Variants in OSBPL8 observed in about 807,000 individuals in gnomAD.
OSBPL8 encodes oxysterol binding protein like 8, also known as oxysterol-binding protein-related protein 8.
A neutral mutation model predicts 125.5 loss-of-function variants in OSBPL8; 59 were observed. The ratio of observed to expected loss-of-function variants is 0.47; its 90% CI spans 0.38 to 0.58. OSBPL8 has a LOEUF of 0.58. Ranked by LOEUF, OSBPL8 falls within the 20% of genes least tolerant of loss-of-function variation. The probability of loss-of-function intolerance (pLI) is 0.00; values close to 1 mark genes in which losing one functional copy is unlikely to be tolerated. For synonymous variants in OSBPL8, 330 were observed against 338.9 expected (o/e 0.97, Z 0.29); for missense variants, 758 against 1,047.8 (o/e 0.72, Z 3.82).
At chr12:76,430,586 AAATGATTTTCT>A (rs1473435511) in intron 4 of OSBPL8, among the ~76,000 whole-genome samples, 1 of 152,246 alleles carries the variant, frequency 6.6e-6, no homozygotes, top group Non-Finnish European at 1.5e-5. Flanking sequence ...AAATAATTCA[AAATGATTTTCT>A]TAAAGAAGCT....
At chr12:76,442,942 T>C (rs890692110) in intron 4 of OSBPL8, among the ~76,000 whole-genome samples, 2 of 152,194 alleles carry the variant, frequency 1.3e-5, no homozygotes, top group East Asian at 3.8e-4. Context: ...CCTTTGAAGT[T>C]TTCTATGAAG....
intron 4 of OSBPL8, among the ~76,000 whole-genome samples, chr12:76,412,928 T>G (rs1241600526): frequency 6.6e-6 from 1 of 152,204 alleles, no homozygotes; most frequent in African/African-American, 2.4e-5. Context: ...TGTTCCTTTC[T>G]ATGACACAAA....
intron 1 of OSBPL8, among the ~76,000 whole-genome samples, chr12:76,546,739 T>C (rs937451245): frequency 6.6e-6 from 1 of 152,192 alleles, no homozygotes; most frequent in Non-Finnish European, 1.5e-5. Context: ...GCATGAGGTA[T>C]ATAACCACTT....
At chr12:76,375,578 T>C (rs1435089826) in intron 16 of OSBPL8, among the ~76,000 whole-genome samples, 1 of 152,114 alleles carries the variant, frequency 6.6e-6, no homozygotes, top group East Asian at 1.9e-4. Context: ...GCAGATTCCC[T>C]ATCTGTAAAT....
At chr12:76,485,098 T>A (rs930887166) in intron 2 of OSBPL8, among the ~76,000 whole-genome samples, 1 of 151,858 alleles carries the variant, frequency 6.6e-6, no homozygotes, top group Admixed American at 6.6e-5. Context: ...TTTTTTTGTA[T>A]TTTTAGTAGA....
At chr12:76,431,248 A>C (rs144213083) in intron 4 of OSBPL8, among the ~76,000 whole-genome samples, 8 of 151,972 alleles carry the variant, frequency 5.3e-5, no homozygotes, top group African/African-American at 1.7e-4. Context: ...AATGCACAAT[A>C]GATTAAAAAG....
intron 15 of OSBPL8, among the ~76,000 whole-genome samples, chr12:76,382,318 T>A (rs981194151): frequency 5.9e-5 from 9 of 152,172 alleles, no homozygotes; most frequent in African/African-American, 2.2e-4. Context: ...CTTACTGATT[T>A]TTTACCTATA....
At chr12:76,493,389 T>C (rs2137064412) in intron 1 of OSBPL8, among the ~76,000 whole-genome samples, 2 of 152,336 alleles carry the variant, frequency 1.3e-5, no homozygotes, top group South Asian at 4.1e-4. Flanking sequence ...GAATTCTCTT[T>C]CATTTTTTTG....
chr12:76,514,205 C>T lies in OSBPL8; in HGVS notation c.-67-26587G>A, dbSNP rs536181416. On this transcript the variant is annotated intron_variant, in intron 1 of 23. Coordinates refer to ENST00000261183, the MANE Select transcript of OSBPL8 (RefSeq NM_020841.5). The stretch of plus-strand genomic sequence containing the variant: ...TTTCACCCAGGCCGGGCTGCAGTGG[C>T]GCGATCTCAGCTCACTGCAACCTCC... Among the ~76,000 whole-genome samples the T allele has an allele frequency of 1.2e-4, 18 of 152,154 alleles. No individual in the cohort carries two copies. In the East Asian group the frequency reaches 1.7e-3, roughly 15 times the overall value.
chr12:76,487,542 C>G lies in OSBPL8; in HGVS notation c.10G>C (p.Gly4Arg). 1 of 1,604,684 alleles carries G rather than the reference C, an allele frequency of 6.2e-7. No homozygotes were observed. MEGGLADGEPDRTS... is the reference protein window; with the variant it reads MEGRLADGEPDRTS... ...CGATCAGGTTCTCCATCTGCCAAAC[C>G]TCCCTCCATAATGAAAGAAGATAGG... The change falls in exon 2 of 24, where the codon GGT becomes CGT. Residue 4 changes from glycine (G) to arginine (R), a missense_variant. Gly to Arg is a moderately radical substitution (Grantham distance 125, BLOSUM62 -2). Coordinates refer to ENST00000261183, the MANE Select transcript of OSBPL8 (RefSeq NM_020841.5).
chr12:76,481,208 T>C (rs1877437535), intron 2 of OSBPL8, among the ~76,000 whole-genome samples: 1 of 152,218 alleles, frequency 6.6e-6, no homozygotes, highest in South Asian at 2.1e-4. Flanking sequence ...AGAGAATAAA[T>C]TTGTGTTGTT....
chr12:76,525,986 G>T (rs1401325153), intron 1 of OSBPL8, among the ~76,000 whole-genome samples: 1 of 152,214 alleles, frequency 6.6e-6, no homozygotes, highest in Non-Finnish European at 1.5e-5. Flanking sequence ...CTACTGGGGT[G>T]CTGGAAATAG....
intron 1 of OSBPL8, among the ~76,000 whole-genome samples, chr12:76,555,767 T>C (rs947697204): frequency 1.3e-5 from 2 of 152,192 alleles, no homozygotes; most frequent in Admixed American, 6.5e-5. Flanking sequence ...CTGACCCTTA[T>C]CGTACTTCCA....
chr12:76,556,905 C>T (rs1188321176), intron 1 of OSBPL8, among the ~76,000 whole-genome samples: 1 of 152,156 alleles, frequency 6.6e-6, no homozygotes, highest in African/African-American at 2.4e-5. Context: ...ACCTCATGAT[C>T]TGCCCACCTC....
intron 21 of OSBPL8, 49 bp from the exon 22 acceptor site, chr12:76,358,860 A>G (rs1274461506): frequency 7.1e-7 from 1 of 1,402,660 alleles, no homozygotes; most frequent in Admixed American, 1.7e-5. Flanking sequence ...ATTTTGGACT[A>G]AAGACCAACT....
At chr12:76,357,269 T>A (rs1230714172) in intron 22 of OSBPL8, among the ~76,000 whole-genome samples, 1 of 152,170 alleles carries the variant, frequency 6.6e-6, no homozygotes, top group African/African-American at 2.4e-5. Context: ...TTTCTCATTT[T>A]AAAAATAGGG....
intron 11 of OSBPL8, chr12:76,390,112 ACAAAGTTATAAACT>A: frequency 4.8e-6 from 2 of 416,222 alleles, no homozygotes; most frequent in Non-Finnish European, 8.4e-6. Context: ...ACTGGCAATA[ACAAAGTTATAAACT>A]CACGTTTCCT....
intron 1 of OSBPL8, among the ~76,000 whole-genome samples, chr12:76,551,804 C>CGTCTATCCAGTCCCTG: frequency 6.6e-6 from 1 of 152,302 alleles, no homozygotes; most frequent in South Asian, 2.1e-4. Flanking sequence ...TCGACTACCT[C>CGTCTATCCAGTCCCTG]GTCTATCCAG....
intron 5 of OSBPL8, among the ~76,000 whole-genome samples, chr12:76,409,981 G>C (rs1954442219): frequency 6.6e-6 from 1 of 152,044 alleles, no homozygotes; most frequent in Admixed American, 6.5e-5. Context: ...AAAATCTAGT[G>C]AACTAAAAAC....
Sources: allele counts gnomAD v4.1 joint callset (sites outside exome capture counted in the v4.1 genomes callset), GRCh38; gene constraint gnomAD v4.1.1; transcripts MANE v1.5; gene names NCBI Gene and HGNC (gene_info 2026-07-23, HGNC 2026-07-21).